MACROD2: variants seen among roughly 807,000 people sequenced by gnomAD.
MACROD2 encodes the protein mono-ADP ribosylhydrolase 2, also known as ADP-ribose glycohydrolase MACROD2.
MACROD2 carries 36 observed loss-of-function variants against 70.4 expected under a neutral mutation model. The observed-to-expected ratio is 0.51, with a 90% CI of 0.39 to 0.68. MACROD2 has a LOEUF of 0.68. Among genes scored for constraint, MACROD2 ranks in the 30% least tolerant of loss-of-function variants. MACROD2 has a pLI of 0.00. For missense variants in MACROD2, 496 were observed against 538.4 expected (o/e 0.92, Z 0.78); for synonymous variants, 172 against 178.8 (o/e 0.96, Z 0.30).
At chr20:15,141,616 C>T (rs1255868567) in intron 5 of MACROD2, among the ~76,000 whole-genome samples, 1 of 152,164 alleles carries the variant, frequency 6.6e-6, no homozygotes, top group Non-Finnish European at 1.5e-5. Context: ...TCGTACCTTT[C>T]TAATGCCTGG....
At chr20:14,375,761 A>G (rs1157075932) in intron 3 of MACROD2, among the ~76,000 whole-genome samples, 2 of 152,172 alleles carry the variant, frequency 1.3e-5, no homozygotes, top group Admixed American at 6.5e-5. Flanking sequence ...CCTTGTAGAT[A>G]TCGTGGAAAC....
chr20:15,729,228 T>C (rs532951372), intron 8 of MACROD2, among the ~76,000 whole-genome samples: 1 of 152,324 alleles, frequency 6.6e-6, no homozygotes, highest in African/African-American at 2.4e-5. Flanking sequence ...ATTTCTATTT[T>C]TATTGTGTTG....
At chr20:15,844,627 G>A (rs1298840553) in intron 8 of MACROD2, among the ~76,000 whole-genome samples, 1 of 152,098 alleles carries the variant, frequency 6.6e-6, no homozygotes, top group Non-Finnish European at 1.5e-5. Context: ...TATTTATGAA[G>A]GGTCTTATCT....
chr20:15,247,300 A>G (rs1217286805), intron 6 of MACROD2, among the ~76,000 whole-genome samples: 2 of 152,192 alleles, frequency 1.3e-5, no homozygotes, highest in African/African-American at 2.4e-5. Context: ...AATCATATTC[A>G]GGAATCCATG....
intron 6 of MACROD2, among the ~76,000 whole-genome samples, chr20:15,288,298 C>T: frequency 6.6e-6 from 1 of 152,212 alleles, no homozygotes; most frequent in South Asian, 2.1e-4. Context: ...GCTTCATTTT[C>T]AGGCAGGCTG....
Position 14,044,851 on chromosome 20 carries a change from C to G in MACROD2, c.164-40770C>G, listed in dbSNP as rs567883444. On this transcript the variant is annotated intron_variant, in intron 2 of 17. Coordinates refer to ENST00000684519, the MANE Select transcript of MACROD2 (RefSeq NM_001351661.2). Reference sequence around the variant, plus strand: ...TTGCACTCCTCAGCCCTTGGGCGGTCGATGGGACTGGGTGCCGTAGAGCAG... The same window carrying G: ...TTGCACTCCTCAGCCCTTGGGCGGTGGATGGGACTGGGTGCCGTAGAGCAG... 3.9e-5 allele frequency among the ~76,000 whole-genome samples: 6 copies of G among 152,294 alleles called. No individual in the cohort carries two copies. In the South Asian group the frequency reaches 6.2e-4, roughly 16 times the overall value.
intron 3 of MACROD2, among the ~76,000 whole-genome samples, chr20:14,167,384 T>A (rs909528229): frequency 6.6e-6 from 1 of 151,642 alleles, no homozygotes; most frequent in African/African-American, 2.4e-5. Context: ...TCTTTAAATA[T>A]TTTTTTTGTT....
At chr20:15,080,667 G>A (rs1329229242) in intron 5 of MACROD2, among the ~76,000 whole-genome samples, 1 of 152,010 alleles carries the variant, frequency 6.6e-6, no homozygotes, top group Non-Finnish European at 1.5e-5. Flanking sequence ...CCTTTTCCCT[G>A]TGTTCCAGAC....
chr20:16,024,512 C>G (rs1322852034), intron 15 of MACROD2, among the ~76,000 whole-genome samples: 2 of 142,800 alleles, frequency 1.4e-5, no homozygotes, highest in Admixed American at 7.0e-5. Context: ...CACACACACA[C>G]AGACACACAC....
intron 6 of MACROD2, among the ~76,000 whole-genome samples, chr20:15,388,271 A>G (rs770222617): frequency 6.6e-6 from 1 of 152,118 alleles, no homozygotes. Flanking sequence ...AGAGGGAAAG[A>G]AAGTAATACA....
At chr20:16,022,913 T>A (rs1447857734) in intron 15 of MACROD2, among the ~76,000 whole-genome samples, 5 of 152,244 alleles carry the variant, frequency 3.3e-5, no homozygotes, top group African/African-American at 1.2e-4. Flanking sequence ...TGGATCATGC[T>A]GGACAGAGCA....
chr20:15,497,077 G>A (rs986138825), intron 7 of MACROD2, among the ~76,000 whole-genome samples: 10 of 152,154 alleles, frequency 6.6e-5, no homozygotes, highest in Non-Finnish European at 1.2e-4. Context: ...CAAACATGGC[G>A]GTAACTAGGA....
intron 6 of MACROD2, among the ~76,000 whole-genome samples, chr20:15,356,381 T>C (rs1027066534): frequency 6.6e-6 from 1 of 152,214 alleles, no homozygotes; most frequent in Non-Finnish European, 1.5e-5. Context: ...TGTATCAAAA[T>C]TTTATAGGAT....
At chr20:14,543,624 A>T (rs967384809) in intron 4 of MACROD2, among the ~76,000 whole-genome samples, 3 of 152,216 alleles carry the variant, frequency 2.0e-5, no homozygotes, top group African/African-American at 7.2e-5. Flanking sequence ...GAGGTTGTAG[A>T]ACTATTAAAA....
chr20:15,007,087 G>A (rs562543553), intron 5 of MACROD2, among the ~76,000 whole-genome samples: 7 of 152,152 alleles, frequency 4.6e-5, no homozygotes, highest in East Asian at 1.9e-4. Context: ...AGGAGAGGCC[G>A]GGCGCAGTGG....
At chr20:14,165,670 A>C (rs150973742) in intron 3 of MACROD2, among the ~76,000 whole-genome samples, 1 of 152,326 alleles carries the variant, frequency 6.6e-6, no homozygotes, top group Non-Finnish European at 1.5e-5. Context: ...GTTTTGATTA[A>C]AGACAACAAT....
chr20:15,036,908 TTA>T (rs745311925), intron 5 of MACROD2, among the ~76,000 whole-genome samples: 7 of 151,684 alleles, frequency 4.6e-5, no homozygotes, highest in South Asian at 2.1e-4. Flanking sequence ...TAATTATGAT[TTA>T]TATGTTATAT....
intron 15 of MACROD2, among the ~76,000 whole-genome samples, chr20:16,000,496 C>A (rs971724481): frequency 6.6e-6 from 1 of 152,128 alleles, no homozygotes; most frequent in Admixed American, 6.5e-5. Flanking sequence ...TCCCTACAAC[C>A]CTGTACTCAG....
At chr20:14,701,028 G>C (rs2071190427) in intron 5 of MACROD2, among the ~76,000 whole-genome samples, 3 of 152,050 alleles carry the variant, frequency 2.0e-5, no homozygotes. Flanking sequence ...GAATTCCTGT[G>C]GTCATAAGGC....
Sources: allele counts gnomAD v4.1 joint callset (sites outside exome capture counted in the v4.1 genomes callset), GRCh38; gene constraint gnomAD v4.1.1; transcripts MANE v1.5; gene names NCBI Gene and HGNC (gene_info 2026-07-23, HGNC 2026-07-21).